The following OR51I1 variants were observed in gnomAD, a reference collection of about 807,000 sequenced individuals.
OR51I1 encodes the protein olfactory receptor family 51 subfamily I member 1, also known as olfactory receptor 51I1.
In OR51I1, 5 loss-of-function variants were observed where a neutral mutation model predicts 6.9. The observed-to-expected ratio is 0.73, with a 90% confidence interval of 0.38 to 1.52. The LOEUF (loss-of-function observed/expected upper bound fraction) is 1.52, where lower values mean the gene tolerates loss of function less well. Ranked by LOEUF, OR51I1 falls within the 40% of genes most tolerant of loss-of-function variation. The pLI, the probability that OR51I1 is intolerant of heterozygous loss-of-function variation, is 0.03. For missense variants in OR51I1, 465 were observed against 388.5 expected (o/e 1.20, Z -1.66); for synonymous variants, 183 against 140.3 (o/e 1.30, Z -2.15).
At position 5,440,676 on chromosome 11, in the gene OR51I1, T is replaced by C. The variant is rs749448067; in HGVS notation, c.839A>G (p.Asn280Ser). 5 of 1,613,910 alleles carry C rather than the reference T, an allele frequency of 3.1e-6. No individual in the cohort carries two copies. In the South Asian group the frequency reaches 4.4e-5, roughly 14 times the overall value. The change falls in exon 1 of 1, where the codon AAT becomes AGT. Residue 280 changes from asparagine (N) to serine (S), a missense_variant. By Grantham distance (46) the Asn-to-Ser change is conservative. Transcript: ENST00000380211. The part of the protein sequence containing the change: ...APPVVHVMMS[N>S]VYLFVPPMLN... ...CATGGGTGGTACAAACAGGTAGACA[T>C]TGGACATCATGACATGAACAACAGG... is the stretch of plus-strand genomic sequence containing the variant.
chr11:5,440,584 T>C lies in OR51I1; in HGVS notation c.931A>G (p.Lys311Glu). 1 of 1,612,764 alleles carries C rather than the reference T, an allele frequency of 6.2e-7. No homozygotes were observed. Among genetic ancestry groups the C allele is most frequent in the Non-Finnish European group, 8.5e-7 (1 of 1,178,912 alleles). Residue 311 changes from lysine to glutamate, a missense_variant, in exon 1 of 1, where the codon AAA (lysine) becomes GAA (glutamate). Lys to Glu is a moderately conservative substitution (Grantham distance 56). Coordinates refer to ENST00000380211, the MANE Select transcript of OR51I1 (RefSeq NM_001005288.3). ...TTCAGCCTTCCTCAGGCCTGGGATT[T>C]ATGGAAGAACTTGAGAATCCCTTTG... ...IRKGILKFFH[K>E]SQA
In OR51I1 at chr11:5,440,902, T is replaced by C; in HGVS notation, c.613A>G (p.Ile205Val). The change falls in exon 1 of 1, where the codon ATC becomes GTC. Residue 205 changes from isoleucine to valine, a missense_variant. By Grantham distance (29) the Ile-to-Val change is conservative (BLOSUM62 3). Transcript: ENST00000380211. ...HVNNIYGLLV[I>V]IFTYGMDSTF... is the part of the protein sequence containing the mutation. ...GAGTCCATACCATAGGTAAAAATGA[T>C]CACCAAGAGCCCATAAATGTTGTTA... 1 of 1,613,722 alleles carries C rather than the reference T, an allele frequency of 6.2e-7. No individual in the cohort carries two copies. The highest frequency in any genetic ancestry group is 1.1e-5 in the South Asian group (1 of 91,044).
chr11:5,441,109 T>C lies in OR51I1; in HGVS notation c.406A>G (p.Thr136Ala). 3 of 1,613,968 alleles carry C rather than the reference T, an allele frequency of 1.9e-6. No homozygotes were observed. The highest frequency in any genetic ancestry group is 2.5e-6 in the Non-Finnish European group (3 of 1,179,940). ...AATATACGGTTGTGAGTGAGCACAGTGACATAGCGTAATGGATAACAAATA... is the reference window on the plus strand; with the variant it reads ...AATATACGGTTGTGAGTGAGCACAGCGACATAGCGTAATGGATAACAAATA... ...VAICYPLRYV[T>A]VLTHNRILAM... Residue 136 changes from threonine (T) to alanine (A), a missense_variant, in exon 1 of 1, where the codon ACT (threonine) becomes GCT (alanine). Physicochemically the swap from Thr to Ala is moderately conservative, Grantham distance 58. Transcript: ENST00000380211.
rs1049537600 is a variant in OR51I1, at chr11:5,441,032, G to T, written c.483C>A (p.Phe161Leu). ...AGGGCAGTCGTTTCACCACAAAAGGGAAAGGGAAGAGAGTGGTGAAACTCT... is the reference window on the plus strand; with the variant it reads ...AGGGCAGTCGTTTCACCACAAAAGGTAAAGGGAAGAGAGTGGTGAAACTCT... ...LTKSFTTLFP[F>L]PFVVKRLPFC... Residue 161 changes from phenylalanine (F) to leucine (L), a missense_variant, in exon 1 of 1, where the codon TTC becomes TTA. Coordinates refer to ENST00000380211, the MANE Select transcript of OR51I1 (RefSeq NM_001005288.3). 8.7e-6 allele frequency: 14 copies of T among 1,613,798 alleles called. No homozygotes were observed. The highest frequency in any genetic ancestry group is 1.2e-5 in the Non-Finnish European group (14 of 1,179,886).
At position 5,441,016 on chromosome 11, in the gene OR51I1, G is replaced by A. The variant is rs757821983; in HGVS notation, c.499C>T (p.Arg167Ter). 1.9e-5 allele frequency: 30 copies of A among 1,614,002 alleles called. No individual in the cohort carries two copies. The highest frequency in any genetic ancestry group is 4.4e-5 in the South Asian group (4 of 91,086). ...ACATTGCCTTTGCAGAAGGGCAGTC[G>A]TTTCACCACAAAAGGGAAAGGGAAG... ...TLFPFPFVVK[R>*]LPFCKGNVLH... is the part of the protein sequence containing the mutation. The change falls in exon 1 of 1, where the codon CGA becomes TGA. Residue 167 changes from arginine (R) to a stop codon, truncating the protein, a stop_gained. Coordinates refer to ENST00000380211, the MANE Select transcript of OR51I1 (RefSeq NM_001005288.3). LOFTEE classifies it low-confidence loss of function (END_TRUNC).
chr11:5,440,695 C>T lies in OR51I1; in HGVS notation c.820G>A (p.Val274Ile), dbSNP rs772504296. Residue 274 changes from valine to isoleucine, a missense_variant, in exon 1 of 1, where the codon GTT becomes ATT. Transcript: ENST00000380211. The part of the protein sequence containing the change: ...HRFWKSAPPV[V>I]HVMMSNVYLF... ...TAGACATTGGACATCATGACATGAA[C>T]AACAGGTGGAGCACTTTTCCAGAAG... 3.1e-6 allele frequency: 5 copies of T among 1,613,900 alleles called. No individual in the cohort carries two copies. The highest frequency in any genetic ancestry group is 4.2e-6 in the Non-Finnish European group (5 of 1,179,902).
In OR51I1 at chr11:5,440,790, G is replaced by A. The variant is rs753845267; in HGVS notation, c.725C>T (p.Thr242Ile). The change falls in exon 1 of 1, where the codon ACC (threonine) becomes ATC (isoleucine). Residue 242 changes from threonine to isoleucine, a missense_variant. Physicochemically the swap from Thr to Ile is moderately conservative, Grantham distance 89. Coordinates refer to ENST00000380211, the MANE Select transcript of OR51I1 (RefSeq NM_001005288.3). ...SQEQRLKALN[T>I]CMSHICAVLA... ...CACTGCACAGATGTGTGACATGCAG[G>A]TGTTGAGTGCCTTGAGCCGCTGTTC... 4 of 1,613,916 alleles carry A rather than the reference G, an allele frequency of 2.5e-6. No individual in the cohort carries two copies. In the South Asian group the frequency reaches 3.3e-5, roughly 13 times the overall value.
At position 5,441,000 on chromosome 11, in the gene OR51I1, T is replaced by G. The variant is rs770923678; in HGVS notation, c.515A>C (p.Lys172Thr). 6.2e-7 allele frequency: 1 copy of G among 1,613,990 alleles called. No homozygotes were observed. The highest frequency in any genetic ancestry group is 1.7e-5 in the Admixed American group (1 of 59,938). The change falls in exon 1 of 1, where the codon AAA (lysine) becomes ACA (threonine). Residue 172 changes from lysine (K) to threonine (T), a missense_variant. By Grantham distance (78) the Lys-to-Thr change is moderately conservative (BLOSUM62 -1). Transcript: ENST00000380211. ...GTAGGAGTGATGCAAAACATTGCCT[T>G]TGCAGAAGGGCAGTCGTTTCACCAC... ...PFVVKRLPFC[K>T]GNVLHHSYCL...
At position 5,440,973 on chromosome 11, in the gene OR51I1, C is replaced by T. The variant is rs867585443; in HGVS notation, c.542G>A (p.Cys181Tyr). ...TACTTTCATGAGATCTGGATGGAGA[C>T]AGTAGGAGTGATGCAAAACATTGCC... ...CKGNVLHHSY[C>Y]LHPDLMKVAC... is the part of the protein sequence containing the mutation. Residue 181 changes from cysteine (C) to tyrosine (Y), a missense_variant, in exon 1 of 1, where the codon TGT becomes TAT. Cys to Tyr is a radical substitution (Grantham distance 194, BLOSUM62 -2). Coordinates refer to ENST00000380211, the MANE Select transcript of OR51I1 (RefSeq NM_001005288.3). 1.2e-6 allele frequency: 2 copies of T among 1,613,892 alleles called. No homozygotes were observed. Among genetic ancestry groups the T allele is most frequent in the East Asian group, 4.5e-5 (2 of 44,876 alleles).
In OR51I1 at chr11:5,441,246, T is replaced by C. The variant is rs1423010949; in HGVS notation, c.269A>G (p.Asn90Ser). 2 of 1,613,826 alleles carry C rather than the reference T, an allele frequency of 1.2e-6. No homozygotes were observed. Among genetic ancestry groups the C allele is most frequent in the African/African-American group, 2.7e-5 (2 of 74,900 alleles). ...AGCATTAAACGCAACATGGTTGTAG[T>C]TGAAGCAGAAAGTAGAAATCACAGT... ...LPTVISTFCF[N>S]YNHVAFNACL... Residue 90 changes from asparagine to serine, a missense_variant, in exon 1 of 1, where the codon AAC (asparagine) becomes AGC (serine). Transcript: ENST00000380211.
chr11:5,441,083 C>T lies in OR51I1; in HGVS notation c.432G>A (p.Leu144=), dbSNP rs115222504. 3.5e-4 allele frequency: 562 copies of T among 1,613,948 alleles called. 2 individuals are homozygous for T. The African/African-American group carries it at 6.7e-3, about 19-fold the overall frequency. The change falls in exon 1 of 1, where the codon TTG becomes TTA. Residue 144 remains leucine, a synonymous_variant. Transcript: ENST00000380211. ...TGGTAAGGATGCCCAGACCCATAGC[C>T]AATATACGGTTGTGAGTGAGCACAG... The part of the protein sequence containing the change: ...YVTVLTHNRI[L]AMGLGILTKS...
chr11:5,440,974 A>G lies in OR51I1; in HGVS notation c.541T>C (p.Cys181Arg). ...CKGNVLHHSY[C>R]LHPDLMKVAC... ...ACTTTCATGAGATCTGGATGGAGAC[A>G]GTAGGAGTGATGCAAAACATTGCCT... is the stretch of plus-strand genomic sequence containing the variant. Residue 181 changes from cysteine (C) to arginine (R), a missense_variant, in exon 1 of 1, where the codon TGT (cysteine) becomes CGT (arginine). Transcript: ENST00000380211. 2 of 1,614,038 alleles carry G rather than the reference A, an allele frequency of 1.2e-6. No individual in the cohort carries two copies. Among genetic ancestry groups the G allele is most frequent in the Non-Finnish European group, 1.7e-6 (2 of 1,179,964 alleles).
chr11:5,440,808 C>A lies in OR51I1; in HGVS notation c.707G>T (p.Arg236Leu), dbSNP rs137878267. 1.2e-6 allele frequency: 2 copies of A among 1,613,692 alleles called. No individual in the cohort carries two copies. Among genetic ancestry groups the A allele is most frequent in the African/African-American group, 2.7e-5 (2 of 74,912 alleles). Reference protein sequence around the residue: ...AMLVIISQEQRLKALNTCMSH... With the variant: ...AMLVIISQEQLLKALNTCMSH... ...CATGCAGGTGTTGAGTGCCTTGAGC[C>A]GCTGTTCCTGGGATATGATGACCAG... The change falls in exon 1 of 1, where the codon CGG (arginine) becomes CTG (leucine). Residue 236 changes from arginine to leucine, a missense_variant. Physicochemically the swap from Arg to Leu is moderately radical, Grantham distance 102. Transcript: ENST00000380211.
rs1158440233 is a variant in OR51I1, at chr11:5,441,296, C to T, written c.219G>A (p.Leu73=). The change falls in exon 1 of 1, where the codon CTG becomes CTA. Residue 73 remains leucine (L), a synonymous_variant. Transcript: ENST00000380211. ...YFLSMLALND[L]GVSFSTLPTV... ...TGGGAAGTGTAGAAAAGGACACTCC[C>T]AGATCATTGAGAGCGAGCATAGAGA... 3.1e-6 allele frequency: 5 copies of T among 1,613,774 alleles called. No individual in the cohort carries two copies. The Admixed American group carries it at 6.7e-5, about 22-fold the overall frequency.
In OR51I1 at chr11:5,440,852, T is replaced by C. The variant is rs1324248711; in HGVS notation, c.663A>G (p.Ala221=). ...MDSTFILLSY[A]LILRAMLVII... is the part of the protein sequence containing the mutation. Reference sequence around the variant, plus strand: ...TGACCAGCATGGCTCTCAGGATCAATGCGTAGGAAAGCAGGATGAAAGTTG... The same window carrying C: ...TGACCAGCATGGCTCTCAGGATCAACGCGTAGGAAAGCAGGATGAAAGTTG... The change falls in exon 1 of 1, where the codon GCA becomes GCG. Residue 221 remains alanine (A), a synonymous_variant. Coordinates refer to ENST00000380211, the MANE Select transcript of OR51I1 (RefSeq NM_001005288.3). The C allele has an allele frequency of 3.1e-6, 5 of 1,613,830 alleles. No homozygotes were observed. The highest frequency in any genetic ancestry group is 1.7e-5 in the Admixed American group (1 of 59,890).
chr11:5,440,721 C>T lies in OR51I1; in HGVS notation c.794G>A (p.Arg265His), dbSNP rs186096167. Residue 265 changes from arginine to histidine, a missense_variant, in exon 1 of 1, where the codon CGC becomes CAC. Coordinates refer to ENST00000380211, the MANE Select transcript of OR51I1 (RefSeq NM_001005288.3). ...VPIIAVSMIH[R>H]FWKSAPPVVH... is the part of the protein sequence containing the mutation. The stretch of plus-strand genomic sequence containing the variant: ...AACAGGTGGAGCACTTTTCCAGAAG[C>T]GGTGAATCATGGAGACAGCAATTAT... 117 of 1,613,884 alleles carry T rather than the reference C, an allele frequency of 7.2e-5. No homozygotes were observed. The highest frequency in any genetic ancestry group is 6.6e-4 in the Middle Eastern group (4 of 6,058).
rs1257657409 is a variant in OR51I1 at position 5,440,591 on chromosome 11, G to A, written c.924C>T (p.Phe308=). Residue 308 remains phenylalanine, a synonymous_variant, in exon 1 of 1, where the codon TTC becomes TTT. Transcript: ENST00000380211. ...TKEIRKGILK[F]FHKSQA The stretch of plus-strand genomic sequence containing the variant: ...TTCCTCAGGCCTGGGATTTATGGAA[G>A]AACTTGAGAATCCCTTTGCGGATCT... 2 of 1,613,000 alleles carry A rather than the reference G, an allele frequency of 1.2e-6. No homozygotes were observed. The highest frequency in any genetic ancestry group is 1.1e-5 in the South Asian group (1 of 91,034).
At position 5,441,351 on chromosome 11, in the gene OR51I1, G is replaced by A; in HGVS notation, c.164C>T (p.Pro55Leu). The change falls in exon 1 of 1, where the codon CCT (proline) becomes CTT (leucine). Residue 55 changes from proline (P) to leucine (L), a missense_variant. Transcript: ENST00000380211. ...LSILTLVFWE[P>L]ALHQPMYYFL... ...GTAGTACATGGGCTGATGCAGAGCAGGCTCCCAAAACACCAGAGTGAGAAT... is the reference window on the plus strand; with the variant it reads ...GTAGTACATGGGCTGATGCAGAGCAAGCTCCCAAAACACCAGAGTGAGAAT... The A allele has an allele frequency of 6.8e-6, 11 of 1,613,972 alleles. No individual in the cohort carries two copies. The highest frequency in any genetic ancestry group is 8.5e-6 in the Non-Finnish European group (10 of 1,179,906).
rs750350978 is a variant in OR51I1 at position 5,441,215 on chromosome 11, C to T, written c.300G>A (p.Leu100=). The T allele has an allele frequency of 1.4e-5, 22 of 1,613,836 alleles. No homozygotes were observed. The highest frequency in any genetic ancestry group is 1.9e-5 in the Non-Finnish European group (22 of 1,179,946). ...AAGTGTGGATGAAGAACATCTGGAC[C>T]AGGCAAGCATTAAACGCAACATGGT... ...NYNHVAFNAC[L]VQMFFIHTFS... Residue 100 remains leucine, a synonymous_variant, in exon 1 of 1, where the codon CTG becomes CTA. Transcript: ENST00000380211.
Sources: gnomAD v4.1 joint callset for allele counts on GRCh38, gnomAD v4.1.1 for gene constraint, MANE v1.5 for transcripts, NCBI Gene and HGNC (gene_info 2026-07-23, HGNC 2026-07-21) for gene names.